The following PREX1 variants were observed in gnomAD, a reference collection of about 807,000 sequenced individuals.
PREX1 encodes the protein phosphatidylinositol-3,4,5-trisphosphate dependent Rac exchange factor 1, also known as phosphatidylinositol 3,4,5-trisphosphate-dependent Rac exchanger 1 protein.
Under a neutral mutation model 198.3 loss-of-function variants are expected in PREX1, and 41 were observed. That is an observed-to-expected ratio of 0.21 (90% CI 0.16 to 0.27). PREX1 has a LOEUF of 0.27. PREX1 is among the 10% of genes least tolerant of loss of function. The pLI is 1.00. For synonymous variants in PREX1, 843 were observed against 887.2 expected (o/e 0.95, Z 0.89); for missense variants, 1,620 against 2,200.7 (o/e 0.74, Z 5.28).
intron 7 of PREX1, among the ~76,000 whole-genome samples, chr20:48,696,919 G>T (rs1394738005): frequency 6.6e-6 from 1 of 151,302 alleles, no homozygotes; most frequent in Non-Finnish European, 1.5e-5. Flanking sequence ...GCAGACGACA[G>T]ATCTTGGGAC....
chr20:48,656,593 CTT>C (rs1333680834), intron 18 of PREX1: 3 of 455,552 alleles, frequency 6.6e-6, no homozygotes, highest in Non-Finnish European at 1.3e-5. Flanking sequence ...CAGAAATCCC[CTT>C]GACTCCCCCC....
intron 1 of PREX1, among the ~76,000 whole-genome samples, chr20:48,752,961 T>A (rs1455404476): frequency 6.6e-6 from 1 of 152,202 alleles, no homozygotes. Context: ...AGCTGTATAC[T>A]CTCGTCGACT....
chr20:48,833,503 G>A, the PREX1 span, among the ~76,000 whole-genome samples: 29 of 147,194 alleles, frequency 2.0e-4, no homozygotes, highest in African/African-American at 5.6e-4. Context: ...ATGCAATGCC[G>A]CGATCTCGGC....
chr20:48,809,358 C>G (rs2090424989), intron 1 of PREX1, among the ~76,000 whole-genome samples: 2 of 152,144 alleles, frequency 1.3e-5, no homozygotes. Context: ...AGAGATGCTC[C>G]CACCTGGCAT....
intron 20 of PREX1, 44 bp downstream of exon 20, chr20:48,653,316 AC>A (rs1189530520): frequency 6.3e-7 from 1 of 1,597,296 alleles, no homozygotes; most frequent in Non-Finnish European, 8.6e-7. Flanking sequence ...ACCCACCCCC[AC>A]TCAGCAGGAC....
At chr20:48,774,066 C>T (rs6125466) in intron 1 of PREX1, among the ~76,000 whole-genome samples, 1 of 152,166 alleles carries the variant, frequency 6.6e-6, no homozygotes, top group Non-Finnish European at 1.5e-5. Flanking sequence ...CTGGCCTGTA[C>T]CACTGGCAAG....
At chr20:48,679,482 G>A (rs2089733216) in intron 12 of PREX1, 73 bp from the exon 13 acceptor site, 2 of 1,504,050 alleles carry the variant, frequency 1.3e-6, no homozygotes, top group Admixed American at 1.7e-5. Flanking sequence ...AGGCTGATGG[G>A]AGAGATGGCT....
At chr20:48,773,520 T>G (rs1448303502) in intron 1 of PREX1, among the ~76,000 whole-genome samples, 1 of 152,064 alleles carries the variant, frequency 6.6e-6, no homozygotes, top group Non-Finnish European at 1.5e-5. Flanking sequence ...AGCAGGTACT[T>G]ACTGAGAAGC....
intron 1 of PREX1, among the ~76,000 whole-genome samples, chr20:48,823,905 G>A (rs2090498211): frequency 6.6e-6 from 1 of 152,126 alleles, no homozygotes; most frequent in Non-Finnish European, 1.5e-5. Context: ...GATTCACTTT[G>A]CCTCAGTTTC....
chr20:48,887,843 G>C, the PREX1 span, among the ~76,000 whole-genome samples: 1 of 151,490 alleles, frequency 6.6e-6, no homozygotes, highest in South Asian at 2.1e-4. Context: ...CCAGTTCCTG[G>C]GGAGGCTGAG....
At chr20:48,871,759 T>C in the PREX1 span, among the ~76,000 whole-genome samples, 79 of 122,406 alleles carry the variant, frequency 6.5e-4, no homozygotes, top group African/African-American at 2.4e-3. Flanking sequence ...ATAGTCTATA[T>C]TGTGAATTGT....
intron 1 of PREX1, among the ~76,000 whole-genome samples, chr20:48,780,754 C>G (rs991228901): frequency 6.6e-6 from 1 of 152,144 alleles, no homozygotes; most frequent in Non-Finnish European, 1.5e-5. Flanking sequence ...CCAGACCCAC[C>G]GGTGGATGCT....
At chr20:48,829,314 T>A (rs1600541157), upstream of PREX1, among the ~76,000 whole-genome samples, 3 of 152,320 alleles carry the variant, frequency 2.0e-5, no homozygotes, top group South Asian at 6.2e-4. Flanking sequence ...GGGGATAAAG[T>A]GATCCACATA....
At chr20:48,689,811 G>T (rs576579141) in intron 9 of PREX1, among the ~76,000 whole-genome samples, 26 of 152,334 alleles carry the variant, frequency 1.7e-4, no homozygotes, top group African/African-American at 6.0e-4. Flanking sequence ...AAATCCAGAT[G>T]TCTAGTTCCT....
intron 16 of PREX1, among the ~76,000 whole-genome samples, chr20:48,659,264 G>GGAA (rs1555832545): frequency 1.4e-5 from 2 of 143,444 alleles, no homozygotes; most frequent in Non-Finnish European, 3.0e-5. Context: ...AAGGAAGGAC[G>GGAA]GGCACGAGAG....
At chr20:48,755,389 A>G (rs554928383) in intron 1 of PREX1, among the ~76,000 whole-genome samples, 3 of 152,328 alleles carry the variant, frequency 2.0e-5, no homozygotes, top group Admixed American at 2.0e-4. Context: ...CTCCAGATTT[A>G]AAAATAAGGA....
chr20:48,877,847 G>A, the PREX1 span, among the ~76,000 whole-genome samples: 33 of 152,206 alleles, frequency 2.2e-4, no homozygotes, highest in Middle Eastern at 3.4e-3. Context: ...GGTGGCTCAC[G>A]CCTATAATCC....
At chr20:48,641,477 T>G (rs184199633) in intron 29 of PREX1, among the ~76,000 whole-genome samples, 2 of 151,938 alleles carry the variant, frequency 1.3e-5, no homozygotes, top group Non-Finnish European at 2.9e-5. Flanking sequence ...AAGAAAAAAA[T>G]GAGTATGGTT....
intron 32 of PREX1, 81 bp downstream of exon 32, chr20:48,636,381 TG>T: frequency 7.2e-7 from 1 of 1,386,900 alleles, no homozygotes; most frequent in Non-Finnish European, 9.6e-7. Flanking sequence ...CCTGAGTAAG[TG>T]GGCAAGGGCT....
Sources: gnomAD v4.1 joint callset for allele counts (sites outside exome capture counted in the v4.1 genomes callset) on GRCh38, gnomAD v4.1.1 for gene constraint, MANE v1.5 for transcripts, NCBI Gene and HGNC (gene_info 2026-07-23, HGNC 2026-07-21) for gene names.